PLXDC2: variants seen among roughly 807,000 people sequenced by gnomAD.
PLXDC2 encodes plexin domain-containing protein 2.
A neutral mutation model predicts 68.9 loss-of-function variants in PLXDC2; 40 were observed. The observed-to-expected ratio is 0.58, with a 90% CI of 0.45 to 0.76. The LOEUF (loss-of-function observed/expected upper bound fraction) is 0.76, where lower values mean the gene tolerates loss of function less well. PLXDC2 is among the 30% of genes least tolerant of loss of function. The probability of loss-of-function intolerance (pLI) is 0.00; values close to 1 mark genes in which losing one functional copy is unlikely to be tolerated. For synonymous variants in PLXDC2, 243 were observed against 234.2 expected (o/e 1.04, Z -0.34); for missense variants, 644 against 661.9 (o/e 0.97, Z 0.30).
At chr10:20,106,498 T>G (rs895026471) in intron 4 of PLXDC2, among the ~76,000 whole-genome samples, 1 of 152,306 alleles carries the variant, frequency 6.6e-6, no homozygotes, top group Non-Finnish European at 1.5e-5. Context: ...GAGATGGTCC[T>G]TAGAGATAGC....
Position 20,211,658 on chromosome 10 carries a change from C to A in PLXDC2, c.1062-11C>A. The A allele has an allele frequency of 3.7e-6, 6 of 1,612,888 alleles. No individual in the cohort carries two copies. The highest frequency in any genetic ancestry group is 5.1e-6 in the Non-Finnish European group (6 of 1,179,228). On this transcript the variant is annotated splice_polypyrimidine_tract_variant and intron_variant, in intron 9 of 13. Coordinates refer to ENST00000377252, the MANE Select transcript of PLXDC2 (RefSeq NM_032812.9). Reference sequence around the variant, plus strand: ...TTCCTTTTCTGAACTGCATTGTGGTCTTCTTTGAAGATGTTCCAGTGGATT... The same window carrying A: ...TTCCTTTTCTGAACTGCATTGTGGTATTCTTTGAAGATGTTCCAGTGGATT...
At chr10:20,263,761 A>G in intron 13 of PLXDC2, among the ~76,000 whole-genome samples, 1 of 152,170 alleles carries the variant, frequency 6.6e-6, no homozygotes, top group Non-Finnish European at 1.5e-5. Flanking sequence ...AATCAAAACA[A>G]CAATGAGATA....
chr10:20,051,905 T>C (rs1295642790), intron 3 of PLXDC2, among the ~76,000 whole-genome samples: 1 of 152,024 alleles, frequency 6.6e-6, no homozygotes, highest in Admixed American at 6.6e-5. Flanking sequence ...ACTCTACTGT[T>C]ATAGCTCAAT....
chr10:20,184,850 G>C (rs1181419459), intron 9 of PLXDC2, among the ~76,000 whole-genome samples: 1 of 151,756 alleles, frequency 6.6e-6, no homozygotes, highest in African/African-American at 2.4e-5. Flanking sequence ...CCTTTGCAGG[G>C]ATATGGATGA....
At position 20,211,696 on chromosome 10, in the gene PLXDC2, G is replaced by T. The variant is rs1427625216; in HGVS notation, c.1089G>T (p.Arg363=). The change falls in exon 10 of 14, where the codon CGG becomes CGT. Residue 363 remains arginine (R), a synonymous_variant. Transcript: ENST00000377252. The part of the protein sequence containing the change: ...QRCSSGFDRH[R]QDWVDSGCPE... Reference sequence around the variant, plus strand: ...GTTCCAGTGGATTTGATCGTCATCGGCAGGACTGGGTGGACAGTGGATGCC... The same window carrying T: ...GTTCCAGTGGATTTGATCGTCATCGTCAGGACTGGGTGGACAGTGGATGCC... The T allele has an allele frequency of 3.1e-6, 5 of 1,612,954 alleles. No homozygotes were observed. Among genetic ancestry groups the T allele is most frequent in the Non-Finnish European group, 2.5e-6 (3 of 1,179,362 alleles).
chr10:19,989,504 A>G (rs987400300), intron 1 of PLXDC2, among the ~76,000 whole-genome samples: 2 of 152,196 alleles, frequency 1.3e-5, no homozygotes, highest in Non-Finnish European at 2.9e-5. Context: ...AAATCAAGTT[A>G]TACGCATATG....
intron 1 of PLXDC2, among the ~76,000 whole-genome samples, chr10:19,863,932 A>G (rs1400814802): frequency 1.3e-5 from 2 of 152,216 alleles, no homozygotes; most frequent in African/African-American, 2.4e-5. Context: ...TTATCTATGT[A>G]TAATACAACA....
chr10:20,172,543 T>C (rs1026766485), intron 7 of PLXDC2, among the ~76,000 whole-genome samples: 7 of 152,200 alleles, frequency 4.6e-5, no homozygotes, highest in African/African-American at 1.7e-4. Flanking sequence ...TGAGTATTTT[T>C]ACCTGCATAG....
At chr10:19,955,170 C>T (rs1370173329) in intron 1 of PLXDC2, among the ~76,000 whole-genome samples, 1 of 147,394 alleles carries the variant, frequency 6.8e-6, no homozygotes, top group African/African-American at 2.5e-5. Flanking sequence ...GGACTATCGG[C>T]ATGCACCACT....
At chr10:20,040,948 C>G (rs151053789) in intron 2 of PLXDC2, among the ~76,000 whole-genome samples, 1 of 152,092 alleles carries the variant, frequency 6.6e-6, no homozygotes, top group Non-Finnish European at 1.5e-5. Context: ...CTGTCAGTTG[C>G]CTGCTATGAA....
chr10:20,176,986 C>CT lies in PLXDC2; in HGVS notation c.884-5dup, dbSNP rs556017952. ...AAAGGTTAAAAATTGATTTTTTTTCCTTTTTTTTCTAGATGTTCGAAGAAG... is the reference window on the plus strand; with the variant it reads ...AAAGGTTAAAAATTGATTTTTTTTCCTTTTTTTTTCTAGATGTTCGAAGAAG... On this transcript the variant is annotated splice_polypyrimidine_tract_variant and intron_variant, in intron 7 of 13. Transcript: ENST00000377252. 3.8e-5 allele frequency: 59 copies of CT among 1,556,344 alleles called. No homozygotes were observed. The highest frequency in any genetic ancestry group is 9.7e-5 in the African/African-American group (7 of 72,192).
At chr10:19,836,090 T>A (rs1836786737) in intron 1 of PLXDC2, among the ~76,000 whole-genome samples, 1 of 152,084 alleles carries the variant, frequency 6.6e-6, no homozygotes. Flanking sequence ...GGTGGAAGGA[T>A]TTCTTGAGCC....
At chr10:19,977,734 G>A (rs570956250) in intron 1 of PLXDC2, among the ~76,000 whole-genome samples, 1 of 152,106 alleles carries the variant, frequency 6.6e-6, no homozygotes, top group African/African-American at 2.4e-5. Context: ...ACCTCACATG[G>A]CAGAGGGGGT....
At chr10:19,893,803 C>T (rs61842789) in intron 1 of PLXDC2, among the ~76,000 whole-genome samples, 1,550 of 152,292 alleles carry the variant, frequency 0.01, 12 homozygotes, top group Non-Finnish European at 0.017. Flanking sequence ...AATGACAACT[C>T]ATGTCTCCTC....
intron 8 of PLXDC2, 70 bp downstream of exon 8, chr10:20,177,164 TATA>T: frequency 8.6e-6 from 12 of 1,395,184 alleles, no homozygotes; most frequent in Non-Finnish European, 1.2e-5. Flanking sequence ...GTTCAATAGT[TATA>T]ATAATCATAT....
chr10:20,065,297 G>T (rs2131703555), intron 3 of PLXDC2, among the ~76,000 whole-genome samples: 1 of 152,288 alleles, frequency 6.6e-6, no homozygotes. Context: ...GAGGGCAAAA[G>T]TTGTCAAGTA....
At chr10:20,129,473 T>A (rs113841025) in intron 4 of PLXDC2, among the ~76,000 whole-genome samples, 1 of 146,090 alleles carries the variant, frequency 6.8e-6, no homozygotes, top group Non-Finnish European at 1.5e-5. Context: ...TTTCATGAAA[T>A]CTCATTTGTC....
chr10:20,130,743 G>A (rs187612119), intron 4 of PLXDC2, among the ~76,000 whole-genome samples: 1 of 152,042 alleles, frequency 6.6e-6, no homozygotes, highest in Admixed American at 6.6e-5. Context: ...CATATATCGA[G>A]ATGATCATAT....
At chr10:19,923,884 C>T (rs1004381307) in intron 1 of PLXDC2, among the ~76,000 whole-genome samples, 2 of 152,052 alleles carry the variant, frequency 1.3e-5, no homozygotes, top group South Asian at 2.1e-4. Context: ...GGCATCATAG[C>T]GAGACCCTGT....
Sources: gnomAD v4.1 joint callset for allele counts (sites outside exome capture counted in the v4.1 genomes callset) on GRCh38, gnomAD v4.1.1 for gene constraint, MANE v1.5 for transcripts, NCBI Gene and HGNC (gene_info 2026-07-23, HGNC 2026-07-21) for gene names.